The following TMPRSS15 variants were observed in gnomAD, a reference collection of about 807,000 sequenced individuals.
The protein encoded by TMPRSS15 is enteropeptidase.
TMPRSS15 carries 128 observed loss-of-function variants against 125.3 expected under a neutral mutation model. The ratio of observed to expected loss-of-function variants is 1.02; its 90% CI spans 0.89 to 1.18. The LOEUF (loss-of-function observed/expected upper bound fraction) is 1.18, where lower values mean the gene tolerates loss of function less well. Among genes scored for constraint, TMPRSS15 ranks in the 50% most tolerant of loss-of-function variants. The pLI is 0.00. For missense variants in TMPRSS15, 1,283 were observed against 1,212.7 expected (o/e 1.06, Z -0.86); for synonymous variants, 446 against 423.2 (o/e 1.05, Z -0.66).
intron 1 of TMPRSS15, among the ~76,000 whole-genome samples, chr21:18,475,380 A>G (rs991834117): frequency 3.3e-5 from 5 of 152,158 alleles, no homozygotes; most frequent in African/African-American, 1.2e-4. Context: ...GCTTGAGGCC[A>G]CACACGTTAG....
chr21:18,275,366 G>T lies in TMPRSS15; in HGVS notation c.2765-30C>A, dbSNP rs765768908. The T allele has an allele frequency of 5.6e-6, 9 of 1,612,944 alleles. No individual in the cohort carries two copies. The Admixed American group carries it at 1.5e-4, about 27-fold the overall frequency. ...TCAAAATGGAGAATGCAGCCAGCCA[G>T]TCAGAAGTGATCAACATGCATCCTT... On this transcript the variant is annotated intron_variant, in intron 23 of 24. Transcript: ENST00000284885.
At chr21:18,402,716 C>T (rs913750175) in intron 1 of TMPRSS15, among the ~76,000 whole-genome samples, 4 of 151,982 alleles carry the variant, frequency 2.6e-5, no homozygotes, top group Non-Finnish European at 4.4e-5. Flanking sequence ...AGTTCCAGAG[C>T]GGGATTGTCT....
chr21:18,377,163 T>C (rs1343160774), intron 5 of TMPRSS15, among the ~76,000 whole-genome samples: 1 of 152,154 alleles, frequency 6.6e-6, no homozygotes, highest in African/African-American at 2.4e-5. Context: ...AAGAATATGA[T>C]ATTTCACCAC....
At chr21:18,372,439 C>T (rs1330522539) in intron 5 of TMPRSS15, 115 bp from the exon 6 acceptor site, 12 of 855,228 alleles carry the variant, frequency 1.4e-5, no homozygotes, top group Non-Finnish European at 2.1e-5. Flanking sequence ...CTTCAACTGC[C>T]ATAGGAATAT....
chr21:18,357,101 C>A (rs552878895), intron 8 of TMPRSS15, among the ~76,000 whole-genome samples: 16 of 151,922 alleles, frequency 1.1e-4, no homozygotes, highest in African/African-American at 3.6e-4. Flanking sequence ...TTTGAAGATG[C>A]ATAAAAACAT....
intron 18 of TMPRSS15, among the ~76,000 whole-genome samples, chr21:18,311,661 TA>T: frequency 6.6e-6 from 1 of 152,290 alleles, no homozygotes; most frequent in Non-Finnish European, 1.5e-5. Flanking sequence ...GTACAGCCAC[TA>T]TTCAGAACAT....
chr21:18,407,179 T>C (rs1005842209), upstream of TMPRSS15, among the ~76,000 whole-genome samples: 1 of 152,114 alleles, frequency 6.6e-6, no homozygotes, highest in Admixed American at 6.6e-5. Flanking sequence ...TTGGTTAATA[T>C]AGAAATAGAA....
chr21:18,375,746 A>C (rs1171111780), intron 5 of TMPRSS15, among the ~76,000 whole-genome samples: 2 of 152,156 alleles, frequency 1.3e-5, no homozygotes, highest in African/African-American at 4.8e-5. Context: ...TTGTATTGTA[A>C]CATGAAGAAT....
At chr21:18,468,339 A>T (rs1045345323) in intron 1 of TMPRSS15, among the ~76,000 whole-genome samples, 1 of 152,156 alleles carries the variant, frequency 6.6e-6, no homozygotes, top group Non-Finnish European at 1.5e-5. Flanking sequence ...CTTTATTTCA[A>T]TTATGGTGAC....
intron 1 of TMPRSS15, among the ~76,000 whole-genome samples, chr21:18,447,439 C>CAAAAAAAAAAAAAAAAAA (rs57558994): frequency 1.1e-5 from 1 of 88,140 alleles, no homozygotes. Context: ...GACTTCAACT[C>CAAAAAAAAAAAAAAAAAA]AAAAAAAAAA....
At chr21:18,400,128 G>A (rs938621626) in intron 1 of TMPRSS15, among the ~76,000 whole-genome samples, 4 of 152,022 alleles carry the variant, frequency 2.6e-5, no homozygotes, top group African/African-American at 9.7e-5. Context: ...AAGAATCAAT[G>A]TTGTTAAAAT....
intron 19 of TMPRSS15, among the ~76,000 whole-genome samples, chr21:18,295,049 G>T (rs2074886573): frequency 6.6e-6 from 1 of 152,120 alleles, no homozygotes; most frequent in Non-Finnish European, 1.5e-5. Flanking sequence ...ACCGACATTG[G>T]TTTTCATCAT....
At chr21:18,298,997 A>G (rs2074936439) in intron 18 of TMPRSS15, among the ~76,000 whole-genome samples, 1 of 152,240 alleles carries the variant, frequency 6.6e-6, no homozygotes, top group Non-Finnish European at 1.5e-5. Context: ...GAGCTGGGAC[A>G]ATAGATGTCT....
chr21:18,326,558 GC>G lies in TMPRSS15; in HGVS notation c.1794del (p.Pro599LeufsTer4), dbSNP rs773989238. The G allele has an allele frequency of 6.2e-7, 1 of 1,614,052 alleles. No individual in the cohort carries two copies. The highest frequency in any genetic ancestry group is 2.2e-5 in the East Asian group (1 of 44,874). On this transcript the variant is annotated frameshift_variant, in exon 16 of 25. Coordinates refer to ENST00000284885, the MANE Select transcript of TMPRSS15 (RefSeq NM_002772.3). LOFTEE classifies it high-confidence loss of function. ...ADSLLLAVYT[G>X]PGPVKDVFST... ...GAGAACACATCCTTTACTGGGCCAG[GC>G]CCTGTGTACACAGCTGTTCCAAAGG...
At chr21:18,283,401 C>A (rs2074724719) in intron 21 of TMPRSS15, among the ~76,000 whole-genome samples, 1 of 151,896 alleles carries the variant, frequency 6.6e-6, no homozygotes, top group East Asian at 1.9e-4. Flanking sequence ...CACATTCACT[C>A]AATATTTACA....
chr21:18,297,226 A>T (rs17002539), intron 19 of TMPRSS15, among the ~76,000 whole-genome samples: 1 of 152,188 alleles, frequency 6.6e-6, no homozygotes, highest in Non-Finnish European at 1.5e-5. Flanking sequence ...ATCAAAAAGT[A>T]AAAGAGAATA....
At chr21:18,431,382 G>A (rs2076216220) in intron 1 of TMPRSS15, among the ~76,000 whole-genome samples, 1 of 151,998 alleles carries the variant, frequency 6.6e-6, no homozygotes, top group African/African-American at 2.4e-5. Flanking sequence ...ATTATGTAAA[G>A]TTTTATCATG....
chr21:18,365,163 A>G lies in TMPRSS15; in HGVS notation c.750T>C (p.Ser250=), dbSNP rs148969435. The G allele has an allele frequency of 7.3e-5, 118 of 1,614,100 alleles. No individual in the cohort carries two copies. The African/African-American group carries it at 1.5e-3, about 20-fold the overall frequency. Residue 250 remains serine (S), a synonymous_variant, in exon 7 of 25, where the codon AGT becomes AGC. Transcript: ENST00000284885. ...ATHYPKPSET[S]VVCQWIIRVN... ...ACCGTATGATCCACTGGCAGACAAC[A>G]CTTGTTTCAGAAGGTTTTGGATAAT...
intron 1 of TMPRSS15, among the ~76,000 whole-genome samples, chr21:18,408,999 A>T (rs1011718411): frequency 4.6e-5 from 7 of 152,096 alleles, no homozygotes; most frequent in Admixed American, 4.6e-4. Context: ...TTAAAAAAAG[A>T]AGTGTGTTTA....
Sources: allele counts gnomAD v4.1 joint callset (sites outside exome capture counted in the v4.1 genomes callset), GRCh38; gene constraint gnomAD v4.1.1; transcripts MANE v1.5; gene names NCBI Gene and HGNC (gene_info 2026-07-23, HGNC 2026-07-21).